The following GRM8 variants were observed in gnomAD, a reference collection of about 807,000 sequenced individuals.
The protein encoded by GRM8 is glutamate metabotropic receptor 8.
Under a neutral mutation model 87.2 loss-of-function variants are expected in GRM8, and 47 were observed. The observed-to-expected ratio is 0.54, with a 90% CI of 0.43 to 0.69. The LOEUF is 0.69. GRM8 is among the 30% of genes least tolerant of loss of function. The pLI is 0.00. For missense variants in GRM8, 1,019 were observed against 1,139.2 expected, an observed-to-expected ratio of 0.89 and a Z score of 1.52; for synonymous variants, 396 against 404.5, an observed-to-expected ratio of 0.98 and a Z score of 0.25.
At chr7:126,897,626 T>C (rs35953635) in intron 6 of GRM8, among the ~76,000 whole-genome samples, 22,350 of 151,904 alleles carry the variant, frequency 0.15, 1,856 homozygotes, top group Non-Finnish European at 0.2. Context: ...ATAACACCCA[T>C]CACCACTGAT....
At chr7:126,503,205 TTAAAA>T (rs1406663690) in intron 9 of GRM8, among the ~76,000 whole-genome samples, 1 of 151,848 alleles carries the variant, frequency 6.6e-6, no homozygotes, top group Non-Finnish European at 1.5e-5. Flanking sequence ...GCTCACATGA[TTAAAA>T]TAAAATAAAA....
At chr7:126,936,057 C>A (rs1261905929) in intron 3 of GRM8, among the ~76,000 whole-genome samples, 1 of 152,128 alleles carries the variant, frequency 6.6e-6, no homozygotes, top group Non-Finnish European at 1.5e-5. Context: ...GCAACAATGG[C>A]AGTATTAAGA....
rs148192468 is a variant in GRM8 at position 126,870,844 on chromosome 7, C to T, written c.1156+31698G>A. The stretch of plus-strand genomic sequence containing the variant: ...TAGAAAATTGGCACTGATAGACTTG[C>T]TTGATGTAGGGTTGCCACAGCTCTT... On this transcript the variant is annotated intron_variant, in intron 6 of 10. Coordinates refer to ENST00000339582, the MANE Select transcript of GRM8 (RefSeq NM_000845.3). Among the ~76,000 whole-genome samples, 361 of 152,200 alleles carry T rather than the reference C, an allele frequency of 2.4e-3. 3 individuals are homozygous for T. Among genetic ancestry groups the T allele is most frequent in the African/African-American group, 8.4e-3 (351 of 41,548 alleles).
chr7:126,987,214 C>T (rs977789087), intron 3 of GRM8, among the ~76,000 whole-genome samples: 1 of 152,104 alleles, frequency 6.6e-6, no homozygotes, highest in African/African-American at 2.4e-5. Flanking sequence ...CTGAAAGTGA[C>T]TTCAGATCTC....
intron 3 of GRM8, among the ~76,000 whole-genome samples, chr7:126,943,187 A>C (rs1442204054): frequency 2.6e-5 from 4 of 152,224 alleles, no homozygotes; most frequent in Non-Finnish European, 4.4e-5. Flanking sequence ...GAAGAAACTG[A>C]CAAATTACTA....
intron 1 of GRM8, among the ~76,000 whole-genome samples, chr7:127,247,764 C>G (rs999357030): frequency 8.5e-5 from 13 of 152,160 alleles, no homozygotes; most frequent in Non-Finnish European, 1.6e-4. Context: ...TCTAAGGTGT[C>G]TTCCAGCTTC....
chr7:126,979,554 C>T (rs1436146397), intron 3 of GRM8, among the ~76,000 whole-genome samples: 1 of 152,154 alleles, frequency 6.6e-6, no homozygotes, highest in Non-Finnish European at 1.5e-5. Flanking sequence ...ATGCAATTAT[C>T]GTTCATGTGG....
At chr7:126,536,928 C>T (rs1815829091) in intron 8 of GRM8, among the ~76,000 whole-genome samples, 1 of 152,088 alleles carries the variant, frequency 6.6e-6, no homozygotes, top group African/African-American at 2.4e-5. Context: ...TCTCTAACCA[C>T]ATGTCGGAAG....
At chr7:126,810,881 T>G (rs1017674896) in intron 6 of GRM8, among the ~76,000 whole-genome samples, 1 of 152,106 alleles carries the variant, frequency 6.6e-6, no homozygotes. Context: ...TAAGGTCTCC[T>G]TTAGAGTACA....
intron 6 of GRM8, among the ~76,000 whole-genome samples, chr7:126,802,739 T>C (rs4728053): frequency 6.6e-6 from 1 of 151,956 alleles, no homozygotes; most frequent in Admixed American, 6.6e-5. Context: ...GCAGCATAAA[T>C]GGCAGAATCA....
chr7:126,586,005 G>A (rs1471369963), intron 8 of GRM8, among the ~76,000 whole-genome samples: 2 of 152,054 alleles, frequency 1.3e-5, no homozygotes, highest in Non-Finnish European at 2.9e-5. Flanking sequence ...AAATCAATGT[G>A]CAAAAATCAC....
At chr7:126,740,558 G>C (rs1380109450) in intron 7 of GRM8, among the ~76,000 whole-genome samples, 1 of 152,066 alleles carries the variant, frequency 6.6e-6, no homozygotes, top group African/African-American at 2.4e-5. Flanking sequence ...TGAAACAAAA[G>C]GTGGTCCCAA....
chr7:126,623,989 A>G (rs990826574), intron 7 of GRM8, among the ~76,000 whole-genome samples: 1 of 152,176 alleles, frequency 6.6e-6, no homozygotes, highest in African/African-American at 2.4e-5. Flanking sequence ...GACAGGTTCT[A>G]TCTTCAGAAC....
At chr7:127,231,667 T>C (rs1797691424) in intron 2 of GRM8, among the ~76,000 whole-genome samples, 1 of 152,170 alleles carries the variant, frequency 6.6e-6, no homozygotes, top group South Asian at 2.1e-4. Flanking sequence ...AATTATTCCC[T>C]CAACAAAAGG....
chr7:126,484,913 T>G (rs1314851752), intron 9 of GRM8, among the ~76,000 whole-genome samples: 2 of 151,308 alleles, frequency 1.3e-5, no homozygotes, highest in African/African-American at 4.9e-5. Context: ...TTATTGTCAC[T>G]CGATCTGCAT....
intron 7 of GRM8, among the ~76,000 whole-genome samples, chr7:126,610,593 T>A (rs545199553): frequency 6.6e-6 from 1 of 152,292 alleles, no homozygotes; most frequent in African/African-American, 2.4e-5. Flanking sequence ...CATATTCCCA[T>A]CTTATAATGA....
chr7:126,600,628 C>A (rs1797647727), intron 8 of GRM8, among the ~76,000 whole-genome samples: 1 of 152,142 alleles, frequency 6.6e-6, no homozygotes, highest in South Asian at 2.1e-4. Context: ...GCATATTATT[C>A]ATGACATATT....
intron 9 of GRM8, among the ~76,000 whole-genome samples, chr7:126,478,815 T>C (rs1334488849): frequency 3.3e-5 from 5 of 152,114 alleles, no homozygotes; most frequent in African/African-American, 1.2e-4. Flanking sequence ...CCCTCTCTAC[T>C]ATTGGGGTTC....
In GRM8 at chr7:126,446,188, T is replaced by C. The variant is rs148482718; in HGVS notation, c.2615A>G (p.Lys872Arg). 3.8e-4 allele frequency: 613 copies of C among 1,613,080 alleles called. 2 individuals carry two copies. The African/African-American group carries it at 7.4e-3, about 20-fold the overall frequency. ...AATMQSKLIQ[K>R]GNDRPNGEVK... Reference sequence around the variant, plus strand: ...CTCGCCATTTGGTCTGTCATTTCCTTTTTGGATCAGTTTGCTTTGCATGGT... The same window carrying C: ...CTCGCCATTTGGTCTGTCATTTCCTCTTTGGATCAGTTTGCTTTGCATGGT... Residue 872 changes from lysine (K) to arginine (R), a missense_variant, in exon 10 of 11, where the codon AAA becomes AGA. Physicochemically the swap from Lys to Arg is conservative, Grantham distance 26. Transcript: ENST00000339582.
Sources: gnomAD v4.1 joint callset for allele counts (sites outside exome capture counted in the v4.1 genomes callset) on GRCh38, gnomAD v4.1.1 for gene constraint, MANE v1.5 for transcripts, NCBI Gene and HGNC (gene_info 2026-07-23, HGNC 2026-07-21) for gene names.